The following GRK6 variants were observed in gnomAD, a reference collection of about 807,000 sequenced individuals.
GRK6 encodes the protein G protein-coupled receptor kinase 6.
A neutral mutation model predicts 80.8 loss-of-function variants in GRK6; 37 were observed. The ratio of observed to expected loss-of-function variants is 0.46; its 90% CI spans 0.35 to 0.60. GRK6 has a LOEUF of 0.60. GRK6 is among the 20% of genes least tolerant of loss of function. The pLI is 0.00. For missense variants in GRK6, 560 were observed against 784.6 expected (o/e 0.71, Z 3.42); for synonymous variants, 295 against 320.9 (o/e 0.92, Z 0.86).
At chr5:177,430,228 T>A (rs572612599) in intron 1 of GRK6, among the ~76,000 whole-genome samples, 1 of 152,332 alleles carries the variant, frequency 6.6e-6, no homozygotes, top group East Asian at 1.9e-4. Flanking sequence ...TGGCCCACGT[T>A]TCCCACACCT....
chr5:177,442,315 C>T lies in GRK6; in HGVS notation c.*525C>T. On this transcript the variant is annotated 3_prime_UTR_variant, in exon 16 of 16. Coordinates refer to ENST00000355472, the MANE Select transcript of GRK6 (RefSeq NM_001004106.3). The stretch of plus-strand genomic sequence containing the variant: ...GGGCTCAGGCTGCTACCCTCTGGGG[C>T]CCAAAGCTGTCCCTTCTCAGTGCTT... 6.0e-6 allele frequency: 1 copy of T among 166,298 alleles called. No individual in the cohort carries two copies. Among genetic ancestry groups the T allele is most frequent in the Non-Finnish European group, 1.3e-5 (1 of 76,450 alleles). The allele number at this position is 166,298 out of a possible 1,614,324, so 10.3% of individuals were successfully genotyped here.
In GRK6 at chr5:177,432,708, T is replaced by C; in HGVS notation, c.342T>C (p.Gly114=). The change falls in exon 5 of 16, where the codon GGT becomes GGC. Residue 114 remains glycine (G), a splice_region_variant and synonymous_variant. Transcript: ENST00000355472. ...QLTQNFLSHT[G]PDLIPEVPRQ... Reference sequence around the variant, plus strand: ...ACCTGTCTGGGGCTTGTTCCCAGGGTCCTGACCTCATCCCTGAGGTCCCCC... The same window carrying C: ...ACCTGTCTGGGGCTTGTTCCCAGGGCCCTGACCTCATCCCTGAGGTCCCCC... 6.3e-7 allele frequency: 1 copy of C among 1,598,512 alleles called. No homozygotes were observed. The highest frequency in any genetic ancestry group is 8.5e-7 in the Non-Finnish European group (1 of 1,171,570).
intron 9 of GRK6, 79 bp from the exon 10 acceptor site, chr5:177,434,823 G>A (rs1008742190): frequency 2.0e-5 from 30 of 1,535,472 alleles, no homozygotes; most frequent in African/African-American, 1.8e-4. Flanking sequence ...CCCCGGAGGC[G>A]AGTGAGCTGG....
intron 13 of GRK6, among the ~76,000 whole-genome samples, chr5:177,437,179 T>C (rs1047360150): frequency 2.6e-5 from 4 of 152,130 alleles, no homozygotes; most frequent in African/African-American, 9.7e-5. Flanking sequence ...GGTCTTGAAA[T>C]CCTGACCTCA....
At chr5:177,433,740 C>G in intron 8 of GRK6, 64 bp downstream of exon 8, 1 of 1,589,226 alleles carries the variant, frequency 6.3e-7, no homozygotes, top group Non-Finnish European at 8.6e-7. Context: ...GTCCCCACCC[C>G]CCAGGCCCCA....
At position 177,436,234 on chromosome 5, in the gene GRK6, G is replaced by A; in HGVS notation, c.1219G>A (p.Glu407Lys). ...VERLVKEVPE[E>K]YSERFSPQAR... ...GCGGCTGGTGAAGGAGGTCCCCGAG[G>A]AGTATTCCGAGCGCTTTTCCCCGCA... The change falls in exon 12 of 16, where the codon GAG (glutamate) becomes AAG (lysine). Residue 407 changes from glutamate to lysine, a missense_variant. By Grantham distance (56) the Glu-to-Lys change is moderately conservative (BLOSUM62 1). Coordinates refer to ENST00000355472, the MANE Select transcript of GRK6 (RefSeq NM_001004106.3). 1 of 1,614,148 alleles carries A rather than the reference G, an allele frequency of 6.2e-7. No homozygotes were observed. The highest frequency in any genetic ancestry group is 8.5e-7 in the Non-Finnish European group (1 of 1,180,022).
intron 6 of GRK6, 26 bp from the exon 7 acceptor site, chr5:177,433,321 G>A (rs372090025): frequency 8.1e-6 from 13 of 1,613,962 alleles, no homozygotes; most frequent in South Asian, 2.2e-5. Flanking sequence ...CTCAGCCAGC[G>A]TTTGCTTCCC....
intron 3 of GRK6, 37 bp from the exon 4 acceptor site, chr5:177,432,196 G>T (rs1763931459): frequency 6.2e-7 from 1 of 1,613,124 alleles, no homozygotes; most frequent in Non-Finnish European, 8.5e-7. Context: ...TGCTTGCCCT[G>T]CCCAGACCTC....
rs754735690 is a variant in GRK6 at position 177,432,017 on chromosome 5, C to A, written c.171C>A (p.Cys57Ter). ...CAGAGCGTGACTATCACAGCCTGTG[C>A]GAGCGGCAGCCCATTGGGCGCCTGC... Reference protein sequence around the residue: ...LSLERDYHSLCERQPIGRLLF... With the variant: ...LSLERDYHSL The change falls in exon 3 of 16, where the codon TGC (cysteine) becomes TGA (stop). Residue 57 changes from cysteine (C) to a stop codon, truncating the protein, a stop_gained. Transcript: ENST00000355472. LOFTEE classifies it high-confidence loss of function. The A allele has an allele frequency of 1.2e-6, 2 of 1,613,270 alleles. No homozygotes were observed. Among genetic ancestry groups the A allele is most frequent in the Non-Finnish European group, 1.7e-6 (2 of 1,179,852 alleles).
At position 177,440,649 on chromosome 5, in the gene GRK6, C is replaced by T. The variant is rs770356260; in HGVS notation, c.1405-51C>T. ...GGCAGAATCAGGGCTGAGCTGCCTT[C>T]GCGTGTGCGTGTGTGTGTTTCCTAT... On this transcript the variant is annotated intron_variant, in intron 13 of 15. Transcript: ENST00000355472. 71 of 1,600,730 alleles carry T rather than the reference C, an allele frequency of 4.4e-5. No individual in the cohort carries two copies. In the South Asian group the frequency reaches 6.1e-4, roughly 14 times the overall value.
At position 177,433,148 on chromosome 5, in the gene GRK6, C is replaced by G; in HGVS notation, c.442C>G (p.Leu148Val). 6.2e-7 allele frequency: 1 copy of G among 1,613,358 alleles called. No individual in the cohort carries two copies. The highest frequency in any genetic ancestry group is 1.1e-5 in the South Asian group (1 of 91,052). ...GCTGGGCCTGCCTTTCCTCAACAGG[C>G]TGACCCACGAGTACCTGAGCGTGGC... ...CKDLFQELTR[L>V]THEYLSVAPF... Residue 148 changes from leucine (L) to valine (V), a missense_variant and splice_region_variant, in exon 6 of 16, where the codon CTG (leucine) becomes GTG (valine). Coordinates refer to ENST00000355472, the MANE Select transcript of GRK6 (RefSeq NM_001004106.3).
In GRK6 at chr5:177,428,534, C is replaced by T. The variant is rs943398445; in HGVS notation, c.52+1637C>T. Among the ~76,000 whole-genome samples the T allele has an allele frequency of 6.6e-6, 1 of 152,228 alleles. No individual in the cohort carries two copies. Among genetic ancestry groups the T allele is most frequent in the Non-Finnish European group, 1.5e-5 (1 of 68,034 alleles). On this transcript the variant is annotated intron_variant, in intron 1 of 15. Coordinates refer to ENST00000355472, the MANE Select transcript of GRK6 (RefSeq NM_001004106.3). The surrounding 1 kb of genome is among the most constrained non-coding windows in gnomAD (Gnocchi z 4.1). ...CTGGGTTCAAGTGACTCTCCTCCCTCAGCCTCCCAAGTAGCTGGGACTACA... is the reference window on the plus strand; with the variant it reads ...CTGGGTTCAAGTGACTCTCCTCCCTTAGCCTCCCAAGTAGCTGGGACTACA...
At position 177,436,155 on chromosome 5, in the gene GRK6, A is replaced by G. The variant is rs1031363410; in HGVS notation, c.1140A>G (p.Ala380=). 45 of 1,614,178 alleles carry G rather than the reference A, an allele frequency of 2.8e-5. No homozygotes were observed. Among genetic ancestry groups the G allele is most frequent in the Non-Finnish European group, 3.8e-5 (45 of 1,180,022 alleles). Residue 380 remains alanine (A), a synonymous_variant, in exon 12 of 16, where the codon GCA becomes GCG. Transcript: ENST00000355472. ...ALGCLLYEMI[A]GQSPFQQRKK... ...GCTGCCTCCTGTACGAGATGATCGC[A>G]GGCCAGTCGCCCTTCCAGCAGAGGA...
chr5:177,425,835 G>A (rs532465095), upstream of GRK6, among the ~76,000 whole-genome samples: 1 of 152,386 alleles, frequency 6.6e-6, no homozygotes, highest in South Asian at 2.1e-4. Flanking sequence ...TTAGCTGTAA[G>A]ATTTCAGCCT....
intron 2 of GRK6, chr5:177,431,686 C>T: frequency 7.2e-6 from 3 of 418,358 alleles, no homozygotes; most frequent in Admixed American, 4.1e-5. Context: ...CGCACCCAAC[C>T]CCAGTACCGT....
rs1001139848 is a variant in GRK6, at chr5:177,433,836, G to A, written c.739-78G>A. 1.1e-5 allele frequency: 17 copies of A among 1,490,888 alleles called. No individual in the cohort carries two copies. In the East Asian group the frequency reaches 1.6e-4, roughly 14 times the overall value. The allele number at this position is 1,490,888 out of a possible 1,614,324, so 92.4% of individuals were successfully genotyped here. ...CAGGCTGGGCCCAAGGAGTGGCACC[G>A]AGAAGGCTTTTTTGGGCAGCCCTGC... On this transcript the variant is annotated intron_variant, in intron 8 of 15. Transcript: ENST00000355472.
Position 177,426,700 on chromosome 5 carries a change from G to T in GRK6, c.-146G>T. The T allele has an allele frequency of 8.5e-6, 2 of 236,678 alleles. No homozygotes were observed. The highest frequency in any genetic ancestry group is 1.4e-5 in the Non-Finnish European group (2 of 147,492). 14.7% of individuals were successfully genotyped at this position (236,678 alleles called of 1,614,324 possible). A position where few individuals can be genotyped will look rare whatever the true frequency, so the allele number is the denominator to read the frequency against. ...CGGAGAGTGCGCGGCTGGCTGCGGCGGCCGGGGAGGCCGGGGAGGCCGCGG... is the reference window on the plus strand; with the variant it reads ...CGGAGAGTGCGCGGCTGGCTGCGGCTGCCGGGGAGGCCGGGGAGGCCGCGG... On this transcript the variant is annotated 5_prime_UTR_variant, in exon 1 of 16. Coordinates refer to ENST00000355472, the MANE Select transcript of GRK6 (RefSeq NM_001004106.3).
chr5:177,433,338 T>C lies in GRK6; in HGVS notation c.534-9T>C. 1 of 1,613,856 alleles carries C rather than the reference T, an allele frequency of 6.2e-7. No individual in the cohort carries two copies. The highest frequency in any genetic ancestry group is 8.5e-7 in the Non-Finnish European group (1 of 1,179,868). Reference sequence around the variant, plus strand: ...CAGCCAGCGTTTGCTTCCCCACCCCTTGCCACAGGCAGCCAGTGACCAAAA... The same window carrying C: ...CAGCCAGCGTTTGCTTCCCCACCCCCTGCCACAGGCAGCCAGTGACCAAAA... On this transcript the variant is annotated splice_polypyrimidine_tract_variant and intron_variant, in intron 6 of 15. Transcript: ENST00000355472.
intron 1 of GRK6, chr5:177,430,587 G>A: frequency 2.4e-6 from 1 of 418,600 alleles, no homozygotes; most frequent in Non-Finnish European, 4.4e-6. Context: ...CTGGCGGGAA[G>A]CAACTGGGGC....
Sources: allele counts gnomAD v4.1 joint callset (sites outside exome capture counted in the v4.1 genomes callset), GRCh38; gene constraint gnomAD v4.1.1; non-coding constraint Gnocchi (gnomAD v3.1); transcripts MANE v1.5; gene names NCBI Gene and HGNC (gene_info 2026-07-23, HGNC 2026-07-21).